Variants in COL4A5 observed in about 807,000 individuals in gnomAD.
COL4A5 encodes collagen type IV alpha 5 chain, also known as collagen alpha-5(IV) chain.
A neutral mutation model predicts 130.2 loss-of-function variants in COL4A5; 26 were observed. The observed-to-expected ratio is 0.20, with a 90% CI of 0.15 to 0.28. The LOEUF is 0.28. Ranked by LOEUF, COL4A5 falls within the 10% of genes least tolerant of loss-of-function variation. The pLI, the probability that COL4A5 is intolerant of heterozygous loss-of-function variation, is 1.00. For synonymous variants in COL4A5, 496 were observed against 439.6 expected, an observed-to-expected ratio of 1.13 and a Z score of -1.60; for missense variants, 1,131 against 1,344.3, an observed-to-expected ratio of 0.84 and a Z score of 2.48.
At chrX:108,643,959 G>A (rs1453489339) in intron 36 of COL4A5, among the ~76,000 whole-genome samples, 1 of 111,822 alleles carries the variant, frequency 8.9e-6, no homozygotes, top group Non-Finnish European at 1.9e-5. Flanking sequence ...GAATGGATAA[G>A]AACTCACCAA....
chrX:108,635,990 G>C (rs954997628), intron 36 of COL4A5, among the ~76,000 whole-genome samples: 2 of 112,073 alleles, frequency 1.8e-5, no homozygotes, highest in East Asian at 5.6e-4. Context: ...GGTAAGGAGT[G>C]GGGGAAGTGT....
intron 1 of COL4A5, among the ~76,000 whole-genome samples, chrX:108,454,250 G>GT (rs2064558896): frequency 9.0e-6 from 1 of 111,230 alleles, no homozygotes; most frequent in East Asian, 2.8e-4. Context: ...TTTCTTTTCT[G>GT]TTTTTTGTTT....
Position 108,440,187 on chromosome X carries a change from G to A in COL4A5, c.62G>A (p.Gly21Glu). ...TTCTTACTGGCCCTGAGTCTTTGGG[G>A]GCAGCCTGCAGAGGCTGCGGTAAGT... ...GLFLLALSLWGQPAEAAACYG... is the reference protein window; with the variant it reads ...GLFLLALSLWEQPAEAAACYG... The change falls in exon 1 of 53, where the codon GGG becomes GAG. Residue 21 changes from glycine to glutamate, a missense_variant. By Grantham distance (98) the Gly-to-Glu change is moderately conservative (BLOSUM62 -2). Coordinates refer to ENST00000328300, the MANE Select transcript of COL4A5 (RefSeq NM_033380.3). 1 of 1,205,399 alleles carries A rather than the reference G, an allele frequency of 8.3e-7. No individual in the cohort carries two copies. Among genetic ancestry groups the A allele is most frequent in the South Asian group, 1.8e-5 (1 of 56,658 alleles).
chrX:108,546,233 G>A (rs60401701), intron 2 of COL4A5, among the ~76,000 whole-genome samples: 2 of 112,030 alleles, frequency 1.8e-5, no homozygotes, highest in Non-Finnish European at 3.8e-5. Context: ...GCATGATTTT[G>A]CAGTGGCTGG....
At chrX:108,534,092 A>T (rs1274321394) in intron 1 of COL4A5, among the ~76,000 whole-genome samples, 2 of 109,674 alleles carry the variant, frequency 1.8e-5, no homozygotes. Context: ...TGCTGTTGTG[A>T]ACATAATCTA....
rs1465737557 is a variant in COL4A5 at position 108,630,960 on chromosome X, G to C, written c.3246+4611G>C. Among the ~76,000 whole-genome samples, 3 of 111,742 alleles carry C rather than the reference G, an allele frequency of 2.7e-5. No homozygotes were observed. In the Admixed American group the frequency reaches 2.8e-4, roughly 11 times the overall value. On this transcript the variant is annotated intron_variant, in intron 36 of 52. Coordinates refer to ENST00000328300, the MANE Select transcript of COL4A5 (RefSeq NM_033380.3). ...GGTCAGGTTTGTCAAAGATCAGATG[G>C]TTGTAGATGTGTGGTGTTATCTCTG...
chrX:108,575,854 A>C (rs2066137405), intron 9 of COL4A5, 56 bp from the exon 10 acceptor site: 2 of 869,990 alleles, frequency 2.3e-6, no homozygotes, highest in Admixed American at 5.0e-5. Context: ...GAAAAAATAC[A>C]ATAAGGGGCT....
At chrX:108,669,789 A>C (rs2068161035) in intron 41 of COL4A5, among the ~76,000 whole-genome samples, 1 of 112,310 alleles carries the variant, frequency 8.9e-6, no homozygotes, top group Non-Finnish European at 1.9e-5. Flanking sequence ...TTAGTCACAA[A>C]GATGTCCTAA....
At chrX:108,473,631 A>ATTT (rs1406126217) in intron 1 of COL4A5, among the ~76,000 whole-genome samples, 2 of 26,471 alleles carry the variant, frequency 7.6e-5, no homozygotes, top group Admixed American at 2.5e-4. Flanking sequence ...ATATATATAT[A>ATTT]TATTTTTTTT....
chrX:108,502,664 T>C (rs2065092261), intron 1 of COL4A5, among the ~76,000 whole-genome samples: 1 of 111,516 alleles, frequency 9.0e-6, no homozygotes, highest in African/African-American at 3.3e-5. Context: ...AAAGACAGGC[T>C]TAGAAAATCA....
rs1603251442 is a variant in COL4A5 at position 108,476,426 on chromosome X, A to T, written c.81+36220A>T. Among the ~76,000 whole-genome samples the T allele has an allele frequency of 8.4e-5, 9 of 107,076 alleles. No homozygotes were observed. The Admixed American group carries it at 9.1e-4, about 11-fold the overall frequency. The allele number at this position is 107,076 out of a possible 115,157, so 93.0% of individuals were successfully genotyped here. On this transcript the variant is annotated intron_variant, in intron 1 of 52. Coordinates refer to ENST00000328300, the MANE Select transcript of COL4A5 (RefSeq NM_033380.3). ...TCTTTGTGTTACAAACAATCCAGTT[A>T]TACTCTCTTAGTTATTTTATATGTA...
chrX:108,473,633 A>ATATATATTTTTTTTTTTT, intron 1 of COL4A5, among the ~76,000 whole-genome samples: 5 of 34,567 alleles, frequency 1.4e-4, no homozygotes, highest in African/African-American at 5.4e-4. Context: ...ATATATATAT[A>ATATATATTTTTTTTTTTT]TTTTTTTTTT....
At chrX:108,486,152 T>C (rs1474325933) in intron 1 of COL4A5, among the ~76,000 whole-genome samples, 1 of 111,476 alleles carries the variant, frequency 9.0e-6, no homozygotes, top group East Asian at 2.8e-4. Flanking sequence ...AGCACATGTA[T>C]TCTCTCTCAG....
intron 1 of COL4A5, among the ~76,000 whole-genome samples, chrX:108,471,536 T>C (rs1306030564): frequency 2.7e-5 from 3 of 111,654 alleles, no homozygotes; most frequent in African/African-American, 9.8e-5. Flanking sequence ...CTAGGAGCCT[T>C]TTGGTGGAGT....
chrX:108,444,324 A>G (rs1019809039), intron 1 of COL4A5, among the ~76,000 whole-genome samples: 1 of 107,461 alleles, frequency 9.3e-6, no homozygotes, highest in Admixed American at 1.0e-4. Flanking sequence ...GGTTCACACC[A>G]TTCTCCTGCC....
chrX:108,547,664 A>G lies in COL4A5; in HGVS notation c.141+7859A>G, dbSNP rs1442266450. On this transcript the variant is annotated intron_variant, in intron 2 of 52. Transcript: ENST00000328300. ...CAGATAGGGACATGTAAGTCTGCAG[A>G]GGTTTCTGCTGCCTTTTGTTCAGCT... Among the ~76,000 whole-genome samples, 3 of 111,840 alleles carry G rather than the reference A, an allele frequency of 2.7e-5. No homozygotes were observed. In the Admixed American group the frequency reaches 2.8e-4, roughly 11 times the overall value.
chrX:108,547,729 G>A (rs1262168785), intron 2 of COL4A5, among the ~76,000 whole-genome samples: 1 of 112,046 alleles, frequency 8.9e-6, no homozygotes, highest in African/African-American at 3.2e-5. Flanking sequence ...GAGGCAGGCA[G>A]GCCTCTTTGA....
intron 1 of COL4A5, among the ~76,000 whole-genome samples, chrX:108,445,384 T>C (rs930448236): frequency 4.5e-5 from 5 of 112,223 alleles, no homozygotes; most frequent in Non-Finnish European, 7.5e-5. Flanking sequence ...TCAGCAGATA[T>C]TTATTCAGCA....
At chrX:108,486,846 T>C (rs2064949750) in intron 1 of COL4A5, among the ~76,000 whole-genome samples, 1 of 112,217 alleles carries the variant, frequency 8.9e-6, no homozygotes, top group Non-Finnish European at 1.9e-5. Context: ...TTTGGGCTGG[T>C]TTCCATATTT....
Sources: allele counts gnomAD v4.1 joint callset (sites outside exome capture counted in the v4.1 genomes callset), GRCh38; gene constraint gnomAD v4.1.1; transcripts MANE v1.5; gene names NCBI Gene and HGNC (gene_info 2026-07-23, HGNC 2026-07-21).